Variants in ADAM23 observed in about 807,000 individuals in gnomAD.
ADAM23 encodes disintegrin and metalloproteinase domain-containing protein 23.
A neutral mutation model predicts 120.1 loss-of-function variants in ADAM23; 33 were observed. The observed-to-expected ratio is 0.27, with a 90% CI of 0.21 to 0.37. The LOEUF (loss-of-function observed/expected upper bound fraction) is 0.37. Among genes scored for constraint, ADAM23 ranks in the 10% least tolerant of loss-of-function variants. ADAM23 has a pLI of 1.00. For synonymous variants in ADAM23, 367 were observed against 375.2 expected (o/e 0.98, Z 0.25); for missense variants, 862 against 1,058.2 (o/e 0.81, Z 2.57).
intron 2 of ADAM23, among the ~76,000 whole-genome samples, chr2:206,464,486 A>G (rs1057071485): frequency 1.3e-5 from 2 of 152,044 alleles, no homozygotes; most frequent in African/African-American, 4.8e-5. Context: ...GAGGCAGGAT[A>G]ATCACTTGAA....
In ADAM23 at chr2:206,619,183, C is replaced by G. The variant is rs1273001954; in HGVS notation, c.*1556C>G. 2.0e-5 allele frequency: 3 copies of G among 152,198 alleles called. No individual in the cohort carries two copies. The highest frequency in any genetic ancestry group is 4.4e-5 in the Non-Finnish European group (3 of 68,068). 9.4% of individuals were successfully genotyped at this position (152,198 alleles called of 1,614,324 possible). ...GCTTTCAAGAAACCTTGTTTGACCTCTGGCATTTTACTGATCAGTGGACCG... is the reference window on the plus strand; with the variant it reads ...GCTTTCAAGAAACCTTGTTTGACCTGTGGCATTTTACTGATCAGTGGACCG... On this transcript the variant is annotated 3_prime_UTR_variant, in exon 26 of 26. Coordinates refer to ENST00000264377, the MANE Select transcript of ADAM23 (RefSeq NM_003812.4).
At chr2:206,524,445 A>G (rs922713478) in intron 3 of ADAM23, among the ~76,000 whole-genome samples, 3 of 152,176 alleles carry the variant, frequency 2.0e-5, no homozygotes, top group African/African-American at 4.8e-5. Flanking sequence ...GCACTGAGAG[A>G]GCCTAAGGCA....
chr2:206,528,993 A>G (rs1696995867), intron 3 of ADAM23, among the ~76,000 whole-genome samples: 1 of 152,218 alleles, frequency 6.6e-6, no homozygotes, highest in South Asian at 2.1e-4. Flanking sequence ...GATAGAGCCC[A>G]AACAGGAACC....
At chr2:206,526,426 T>C (rs1237519986) in intron 3 of ADAM23, among the ~76,000 whole-genome samples, 1 of 152,212 alleles carries the variant, frequency 6.6e-6, no homozygotes, top group East Asian at 1.9e-4. Flanking sequence ...ATGTTATCTC[T>C]TCCCCACACT....
intron 3 of ADAM23, among the ~76,000 whole-genome samples, chr2:206,517,628 G>T (rs752396751): frequency 1.3e-5 from 2 of 152,118 alleles, no homozygotes; most frequent in Non-Finnish European, 2.9e-5. Context: ...TCTTGACCCA[G>T]AATTTTGACT....
At chr2:206,591,384 C>T (rs1019902180) in intron 21 of ADAM23, among the ~76,000 whole-genome samples, 1 of 152,116 alleles carries the variant, frequency 6.6e-6, no homozygotes, top group African/African-American at 2.4e-5. Flanking sequence ...CTGTTTTCAT[C>T]CCTAATGCTT....
At chr2:206,506,484 A>G (rs1696499601) in intron 3 of ADAM23, among the ~76,000 whole-genome samples, 1 of 152,186 alleles carries the variant, frequency 6.6e-6, no homozygotes, top group Admixed American at 6.5e-5. Flanking sequence ...GGCAGAAGAA[A>G]ACTTCAGTTT....
intron 24 of ADAM23, among the ~76,000 whole-genome samples, chr2:206,599,783 C>G (rs1188740184): frequency 6.6e-6 from 1 of 152,194 alleles, no homozygotes; most frequent in African/African-American, 2.4e-5. Context: ...TTCAGTTTAT[C>G]CATATTCATT....
intron 4 of ADAM23, among the ~76,000 whole-genome samples, chr2:206,537,178 T>C (rs1697194146): frequency 6.6e-6 from 1 of 152,182 alleles, no homozygotes; most frequent in Non-Finnish European, 1.5e-5. Flanking sequence ...ACCTTTATTC[T>C]TTTCTTTATC....
At chr2:206,572,311 A>G (rs1357457515) in intron 17 of ADAM23, among the ~76,000 whole-genome samples, 1 of 152,226 alleles carries the variant, frequency 6.6e-6, no homozygotes, top group Admixed American at 6.5e-5. Flanking sequence ...ATATGTGTAT[A>G]TACATGGTTT....
chr2:206,580,429 G>T (rs1698200724), intron 18 of ADAM23, among the ~76,000 whole-genome samples: 1 of 152,154 alleles, frequency 6.6e-6, no homozygotes, highest in South Asian at 2.1e-4. Context: ...ATGATAAAGG[G>T]ATGCTGGATT....
chr2:206,475,125 TA>T (rs1463573342), intron 2 of ADAM23, among the ~76,000 whole-genome samples: 3 of 152,202 alleles, frequency 2.0e-5, no homozygotes, highest in Admixed American at 6.5e-5. Flanking sequence ...AAAAGGGTAA[TA>T]AAAATGTCTG....
At chr2:206,568,385 C>T (rs1479956331) in intron 15 of ADAM23, among the ~76,000 whole-genome samples, 1 of 152,132 alleles carries the variant, frequency 6.6e-6, no homozygotes, top group African/African-American at 2.4e-5. Flanking sequence ...GTGGAAAACA[C>T]ATTTGACAGT....
intron 18 of ADAM23, among the ~76,000 whole-genome samples, chr2:206,580,688 A>G (rs1208520265): frequency 6.6e-6 from 1 of 151,936 alleles, no homozygotes; most frequent in Non-Finnish European, 1.5e-5. Context: ...CTTTTTTGGT[A>G]ATGTCCTTTC....
chr2:206,544,110 A>C (rs903876237), intron 6 of ADAM23, among the ~76,000 whole-genome samples: 1 of 152,180 alleles, frequency 6.6e-6, no homozygotes, highest in Non-Finnish European at 1.5e-5. Flanking sequence ...GTTCCCCAAA[A>C]ACCTATTGAA....
At chr2:206,576,023 A>G (rs1698105805) in intron 18 of ADAM23, among the ~76,000 whole-genome samples, 1 of 152,082 alleles carries the variant, frequency 6.6e-6, no homozygotes, top group Non-Finnish European at 1.5e-5. Context: ...ATTCAGATGG[A>G]CCCTCTTAAA....
At chr2:206,504,840 T>C (rs1696463223) in intron 3 of ADAM23, among the ~76,000 whole-genome samples, 1 of 152,216 alleles carries the variant, frequency 6.6e-6, no homozygotes, top group African/African-American at 2.4e-5. Context: ...GGGACAGTAT[T>C]GCCTATAGGG....
intron 2 of ADAM23, among the ~76,000 whole-genome samples, chr2:206,451,392 A>G (rs964421759): frequency 6.6e-6 from 1 of 152,156 alleles, no homozygotes; most frequent in African/African-American, 2.4e-5. Context: ...GGTGTGTGCC[A>G]CCACACCCAG....
At position 206,471,153 on chromosome 2, in the gene ADAM23, A is replaced by G. The variant is rs534169282; in HGVS notation, c.433-10079A>G. On this transcript the variant is annotated intron_variant, in intron 2 of 25. Coordinates refer to ENST00000264377, the MANE Select transcript of ADAM23 (RefSeq NM_003812.4). ...GGTCTGCTCAGCCTTCTTTGATTAC[A>G]TGTTTTCAGTAATTTATTAGTGAGG... 1.1e-3 allele frequency among the ~76,000 whole-genome samples: 171 copies of G among 152,314 alleles called. 1 individual carries two copies. The highest frequency in any genetic ancestry group is 4.0e-3 in the African/African-American group (167 of 41,554).
Sources: allele counts gnomAD v4.1 joint callset (sites outside exome capture counted in the v4.1 genomes callset), GRCh38; gene constraint gnomAD v4.1.1; transcripts MANE v1.5; gene names NCBI Gene and HGNC (gene_info 2026-07-23, HGNC 2026-07-21).